The following TRHDE variants were observed in gnomAD, a reference collection of about 807,000 sequenced individuals.
The protein encoded by TRHDE is thyrotropin releasing hormone degrading enzyme, also known as thyrotropin-releasing hormone-degrading ectoenzyme.
A neutral mutation model predicts 125.7 loss-of-function variants in TRHDE; 72 were observed. The observed-to-expected ratio is 0.57, with a 90% CI of 0.47 to 0.70. TRHDE has a LOEUF of 0.70. Ranked by LOEUF, TRHDE falls within the 30% of genes least tolerant of loss-of-function variation. The pLI is 0.00. For synonymous variants in TRHDE, 509 were observed against 509.1 expected, an observed-to-expected ratio of 1.00 and a Z score of 0.00; for missense variants, 1,110 against 1,327.1, an observed-to-expected ratio of 0.84 and a Z score of 2.54.
intron 3 of TRHDE, among the ~76,000 whole-genome samples, chr12:72,402,287 A>G (rs1873076695): frequency 6.6e-6 from 1 of 152,162 alleles, no homozygotes. Flanking sequence ...AACCGCAAAA[A>G]AAAAATCTCA....
At chr12:72,200,480 CA>C (rs1376783818) in intron 2 of TRHDE, among the ~76,000 whole-genome samples, 7 of 152,040 alleles carry the variant, frequency 4.6e-5, no homozygotes, top group Non-Finnish European at 7.4e-5. Flanking sequence ...ATGTTTTCTA[CA>C]AAAATTTTTT....
At chr12:72,455,008 T>A (rs1875773144) in intron 3 of TRHDE, among the ~76,000 whole-genome samples, 1 of 152,184 alleles carries the variant, frequency 6.6e-6, no homozygotes, top group Admixed American at 6.5e-5. Flanking sequence ...ACACTGAGAA[T>A]GCTTTATGAT....
intron 6 of TRHDE, among the ~76,000 whole-genome samples, chr12:72,529,639 G>A (rs1443207756): frequency 6.6e-6 from 1 of 152,138 alleles, no homozygotes; most frequent in East Asian, 1.9e-4. Context: ...TAGAAACAGT[G>A]TTGCAAATGA....
intron 2 of TRHDE, among the ~76,000 whole-genome samples, chr12:72,301,652 T>C (rs1868261639): frequency 6.6e-6 from 1 of 152,148 alleles, no homozygotes; most frequent in Non-Finnish European, 1.5e-5. Flanking sequence ...CTATACAGAA[T>C]GGAGATAACA....
intron 3 of TRHDE, among the ~76,000 whole-genome samples, chr12:72,407,498 C>T (rs1342671788): frequency 6.6e-6 from 1 of 152,126 alleles, no homozygotes; most frequent in Non-Finnish European, 1.5e-5. Context: ...TAGTCACCCT[C>T]AGAGGAAAGT....
At chr12:72,336,230 C>G (rs1447642988) in intron 2 of TRHDE, among the ~76,000 whole-genome samples, 1 of 152,126 alleles carries the variant, frequency 6.6e-6, no homozygotes, top group Non-Finnish European at 1.5e-5. Flanking sequence ...TATTTGACTC[C>G]AAAACCTGTG....
chr12:72,189,188 T>C (rs1334012165), intron 2 of TRHDE, among the ~76,000 whole-genome samples: 4 of 152,222 alleles, frequency 2.6e-5, no homozygotes, highest in Non-Finnish European at 5.9e-5. Context: ...GATCAACTAA[T>C]TTTTACTAAG....
At position 72,597,625 on chromosome 12, in the gene TRHDE, G is replaced by A. The variant is rs183342623; in HGVS notation, c.2322-21266G>A. 2.0e-3 allele frequency among the ~76,000 whole-genome samples: 286 copies of A among 142,164 alleles called. 1 individual carries two copies. The highest frequency in any genetic ancestry group is 6.6e-3 in the African/African-American group (249 of 37,888). The allele number at this position is 142,164 out of a possible 152,430, so 93.3% of individuals were successfully genotyped here. A position where few individuals can be genotyped will look rare whatever the true frequency, so the allele number is the denominator to read the frequency against. ...GGAGATTGGGCTGAGCCGAGATCAC[G>A]CCACTGCACTGCAGCTTGGGTGCCA... On this transcript the variant is annotated intron_variant, in intron 12 of 18. Transcript: ENST00000261180.
intron 2 of TRHDE, among the ~76,000 whole-genome samples, chr12:72,131,394 T>C (rs1166984498): frequency 6.6e-6 from 1 of 152,150 alleles, no homozygotes; most frequent in Non-Finnish European, 1.5e-5. Flanking sequence ...ATTTTAAGTT[T>C]ACCAAAAATT....
intron 2 of TRHDE, chr12:72,147,759 C>T (rs976342378): frequency 6.6e-6 from 1 of 152,200 alleles, no homozygotes. Flanking sequence ...CCTTGTTTGG[C>T]ACTTACTTAT....
intron 3 of TRHDE, among the ~76,000 whole-genome samples, chr12:72,391,933 C>G (rs917561163): frequency 6.6e-6 from 1 of 152,068 alleles, no homozygotes; most frequent in East Asian, 1.9e-4. Flanking sequence ...TAGAGGGTAA[C>G]TGAGTGGTAA....
chr12:72,623,171 TTATTAAAATCCATATCATA>T (rs1267851907), intron 15 of TRHDE, among the ~76,000 whole-genome samples: 10 of 152,054 alleles, frequency 6.6e-5, no homozygotes, highest in African/African-American at 2.4e-4. Context: ...AGCCAAAATT[TTATTAAAATCCATATCATA>T]TATACATATA....
chr12:72,399,314 C>T (rs1872937201), intron 3 of TRHDE, among the ~76,000 whole-genome samples: 1 of 152,112 alleles, frequency 6.6e-6, no homozygotes, highest in Non-Finnish European at 1.5e-5. Context: ...AACTTACAAA[C>T]ATTAGATCAT....
intron 2 of TRHDE, among the ~76,000 whole-genome samples, chr12:72,159,468 T>C (rs1489990174): frequency 6.6e-6 from 1 of 152,218 alleles, no homozygotes; most frequent in African/African-American, 2.4e-5. Flanking sequence ...ACTTCACTAA[T>C]ATGTATGTAG....
chr12:72,549,592 C>T (rs536104828), intron 7 of TRHDE, among the ~76,000 whole-genome samples: 16 of 151,818 alleles, frequency 1.1e-4, no homozygotes, highest in African/African-American at 3.6e-4. Context: ...TGTTCAATGT[C>T]ATATGATAAT....
chr12:72,561,324 CTA>C (rs10542489), intron 7 of TRHDE, among the ~76,000 whole-genome samples: 40,409 of 151,928 alleles, frequency 0.27, 8,103 homozygotes, highest in African/African-American at 0.54. Flanking sequence ...ATTTTGTCTA[CTA>C]TATATATGTT....
intron 3 of TRHDE, among the ~76,000 whole-genome samples, chr12:72,445,501 A>G (rs1875233440): frequency 6.6e-6 from 1 of 151,898 alleles, no homozygotes. Context: ...TTTCATCCAT[A>G]ACTTGTATTT....
chr12:72,641,434 C>G (rs531159670), intron 15 of TRHDE, among the ~76,000 whole-genome samples: 1 of 152,254 alleles, frequency 6.6e-6, no homozygotes, highest in African/African-American at 2.4e-5. Context: ...AATGACCAAA[C>G]CCTGAGGCAG....
chr12:72,135,538 T>C (rs1875964585), intron 2 of TRHDE, among the ~76,000 whole-genome samples: 1 of 151,194 alleles, frequency 6.6e-6, no homozygotes, highest in African/African-American at 2.4e-5. Flanking sequence ...TTTTCTATAG[T>C]GTGTAAACAT....
Sources: gnomAD v4.1 joint callset for allele counts (sites outside exome capture counted in the v4.1 genomes callset) on GRCh38, gnomAD v4.1.1 for gene constraint, MANE v1.5 for transcripts, NCBI Gene and HGNC (gene_info 2026-07-23, HGNC 2026-07-21) for gene names.